PRKAG1: variants seen among roughly 807,000 people sequenced by gnomAD.
PRKAG1 encodes the protein 5'-AMP-activated protein kinase subunit gamma-1.
In PRKAG1, 27 loss-of-function variants were observed where a neutral mutation model predicts 48.2. The ratio of observed to expected loss-of-function variants is 0.56; its 90% confidence interval spans 0.41 to 0.77. The LOEUF is 0.77. PRKAG1 is among the 30% of genes least tolerant of loss of function. The pLI is 0.00. For missense variants in PRKAG1, 287 were observed against 398.3 expected (o/e 0.72, Z 2.38); for synonymous variants, 130 against 147.7 (o/e 0.88, Z 0.87).
chr12:49,009,270 G>A (rs1222612500), intron 2 of PRKAG1: 1 of 151,894 alleles, frequency 6.6e-6, no homozygotes, highest in African/African-American at 2.4e-5. Flanking sequence ...GACTACAAGT[G>A]TATGCCACTA....
chr12:49,003,075 ACT>A, intron 11 of PRKAG1, 67 bp downstream of exon 11: 2 of 1,612,718 alleles, frequency 1.2e-6, no homozygotes, highest in Non-Finnish European at 1.7e-6. Flanking sequence ...CTCTGCCCCT[ACT>A]CTCCTTGCCA....
chr12:49,009,354 C>G (rs1205035231), intron 2 of PRKAG1: 1 of 152,058 alleles, frequency 6.6e-6, no homozygotes, highest in African/African-American at 2.4e-5. Context: ...AACTCCTGGC[C>G]TCCCGCCTCA....
chr12:49,003,020 A>G lies in PRKAG1; in HGVS notation c.889-14T>C, dbSNP rs753824646. 1 of 1,613,816 alleles carries G rather than the reference A, an allele frequency of 6.2e-7. No individual in the cohort carries two copies. On this transcript the variant is annotated splice_polypyrimidine_tract_variant and intron_variant, in intron 11 of 11. Coordinates refer to ENST00000548065, the MANE Select transcript of PRKAG1 (RefSeq NM_002733.5). ...AAGTCGGTGAACCTGGCACAGAGCAACAAGGGAGAAAGGGAATGTTTAGTG... is the reference window on the plus strand; with the variant it reads ...AAGTCGGTGAACCTGGCACAGAGCAGCAAGGGAGAAAGGGAATGTTTAGTG...
intron 2 of PRKAG1, 83 bp downstream of exon 2, chr12:49,012,975 GGGGA>G: frequency 7.4e-7 from 1 of 1,356,172 alleles, no homozygotes; most frequent in East Asian, 2.3e-5. Flanking sequence ...GATTTTTCCA[GGGGA>G]GAGATTCAAA....
Position 49,005,110 on chromosome 12 carries a change from C to A in PRKAG1, c.355+10G>T. On this transcript the variant is annotated intron_variant, in intron 6 of 11. Coordinates refer to ENST00000548065, the MANE Select transcript of PRKAG1 (RefSeq NM_002733.5). This position sits in a 1 kb window ranked among gnomAD's most constrained non-coding sequence, Gnocchi z 4.1. ...CCTTTATCCTTTTATAACCCCAATT[C>A]TCTACATACCTCTCCAAGTTTCTAT... 6.2e-7 allele frequency: 1 copy of A among 1,613,918 alleles called. No individual in the cohort carries two copies. The highest frequency in any genetic ancestry group is 8.5e-7 in the Non-Finnish European group (1 of 1,179,892).
chr12:49,017,082 CCT>C (rs1459095983), intron 1 of PRKAG1: 3 of 451,334 alleles, frequency 6.6e-6, no homozygotes, highest in South Asian at 1.6e-5. Flanking sequence ...CTGTCACAGT[CCT>C]CTGTTTTCAT....
At position 49,003,300 on chromosome 12, in the gene PRKAG1, C is replaced by G. The variant is rs752669829; in HGVS notation, c.742-10G>C. On this transcript the variant is annotated splice_polypyrimidine_tract_variant and intron_variant, in intron 10 of 11. Transcript: ENST00000548065. ...TTTCTGCTGCCAGATTCTGGGGAGA[C>G]AGAGGAAGGAGCTTGCAGGGAAGCA... 6.2e-6 allele frequency: 10 copies of G among 1,613,924 alleles called. No homozygotes were observed. Among genetic ancestry groups the G allele is most frequent in the Non-Finnish European group, 8.5e-6 (10 of 1,180,004 alleles).
In PRKAG1 at chr12:49,005,529, A is replaced by G; in HGVS notation, c.183T>C (p.Phe61=). 1 of 1,614,230 alleles carries G rather than the reference A, an allele frequency of 6.2e-7. No individual in the cohort carries two copies. Among genetic ancestry groups the G allele is most frequent in the Non-Finnish European group, 8.5e-7 (1 of 1,180,034 alleles). ...GTACACCGTTAGTCACCAAAGCAAA[A>G]AAAGCTTTCTTCACCTGTAGCCAAG... ...FDTSLQVKKA[F]FALVTNGVRA... is the part of the protein sequence containing the mutation. Residue 61 remains phenylalanine (F), a synonymous_variant, in exon 4 of 12, where the codon TTT becomes TTC. Coordinates refer to ENST00000548065, the MANE Select transcript of PRKAG1 (RefSeq NM_002733.5). This position sits in a 1 kb window ranked among gnomAD's most constrained non-coding sequence, Gnocchi z 4.1.
chr12:49,004,813 CTGTGTGTGTGTGTGTGTGTGTGTGTGTG>C (rs3832821), intron 7 of PRKAG1, 123 bp downstream of exon 7: 11 of 714,342 alleles, frequency 1.5e-5, no homozygotes, highest in Non-Finnish European at 2.2e-5. Flanking sequence ...GAGAGAGAGA[CTGTGTGTGTGTGTGTGTGTGTGTGTGTG>C]TGTGTGTGTG....
At chr12:49,011,705 G>C (rs1297293601) in intron 2 of PRKAG1, among the ~76,000 whole-genome samples, 1 of 151,752 alleles carries the variant, frequency 6.6e-6, no homozygotes, top group Non-Finnish European at 1.5e-5. Context: ...TGGGATTATA[G>C]GCGCCCACCA....
At chr12:49,015,605 C>A (rs1357370820) in intron 1 of PRKAG1, among the ~76,000 whole-genome samples, 4 of 152,144 alleles carry the variant, frequency 2.6e-5, no homozygotes, top group South Asian at 2.1e-4. Flanking sequence ...CAGAGTCTCG[C>A]TGTGTCTCCC....
chr12:49,004,882 T>C lies in PRKAG1; in HGVS notation c.410+82A>G, dbSNP rs1044216731. 4 of 1,417,576 alleles carry C rather than the reference T, an allele frequency of 2.8e-6. No individual in the cohort carries two copies. In the African/African-American group the frequency reaches 5.7e-5, roughly 20 times the overall value. 87.8% of individuals were successfully genotyped at this position (1,417,576 alleles called of 1,614,324 possible). A position where few individuals can be genotyped will look rare whatever the true frequency, so the allele number is the denominator to read the frequency against. On this transcript the variant is annotated intron_variant, in intron 7 of 11. Transcript: ENST00000548065. Reference sequence around the variant, plus strand: ...GTGTGTCTTTTCTCTCTTCTTCCCCTTTCCCTGGGTGTCTAGGGCATTAGC... The same window carrying C: ...GTGTGTCTTTTCTCTCTTCTTCCCCCTTCCCTGGGTGTCTAGGGCATTAGC...
intron 2 of PRKAG1, among the ~76,000 whole-genome samples, chr12:49,012,079 A>G (rs1029163486): frequency 2.6e-5 from 4 of 152,142 alleles, no homozygotes; most frequent in Non-Finnish European, 4.4e-5. Flanking sequence ...CTGGTCTTCA[A>G]CTTCTGACCT....
At chr12:49,003,068 T>G in intron 11 of PRKAG1, 62 bp from the exon 12 acceptor site, 5 of 1,613,116 alleles carry the variant, frequency 3.1e-6, no homozygotes, top group Non-Finnish European at 4.2e-6. Flanking sequence ...GAAGCCCCTC[T>G]GCCCCTACTC....
chr12:49,005,939 C>A lies in PRKAG1; in HGVS notation c.59-87G>T. 1 of 958,708 alleles carries A rather than the reference C, an allele frequency of 1.0e-6. No individual in the cohort carries two copies. The highest frequency in any genetic ancestry group is 1.6e-6 in the Non-Finnish European group (1 of 633,532). 59.4% of individuals were successfully genotyped at this position (958,708 alleles called of 1,614,324 possible). A position where few individuals can be genotyped will look rare whatever the true frequency, so the allele number is the denominator to read the frequency against. On this transcript the variant is annotated intron_variant, in intron 2 of 11. Transcript: ENST00000548065. The surrounding 1 kb of genome is among the most constrained non-coding windows in gnomAD (Gnocchi z 4.1). ...AGAAAACAAAATAGTGTTCTAGTAT[C>A]TCAAATATTTAGAGCATTATTTTTT...
chr12:49,005,715 G>T lies in PRKAG1; in HGVS notation c.168+28C>A. On this transcript the variant is annotated intron_variant, in intron 3 of 11. Transcript: ENST00000548065. The surrounding 1 kb of genome is among the most constrained non-coding windows in gnomAD (Gnocchi z 4.1). Reference sequence around the variant, plus strand: ...AGGTATTAAACCACAGGCTCCAAAGGGGGAAGGGAAAAGAGGATTTCACCC... The same window carrying T: ...AGGTATTAAACCACAGGCTCCAAAGTGGGAAGGGAAAAGAGGATTTCACCC... 1 of 1,608,890 alleles carries T rather than the reference G, an allele frequency of 6.2e-7. No homozygotes were observed. Among genetic ancestry groups the T allele is most frequent in the Non-Finnish European group, 8.5e-7 (1 of 1,175,354 alleles).
At chr12:49,009,975 A>C (rs1941693343) in intron 2 of PRKAG1, among the ~76,000 whole-genome samples, 1 of 152,204 alleles carries the variant, frequency 6.6e-6, no homozygotes, top group African/African-American at 2.4e-5. Context: ...TTTATCTAAG[A>C]TTATATTAAT....
Position 49,018,311 on chromosome 12 carries a change from G to C in PRKAG1, c.9+421C>G, listed in dbSNP as rs182268023. On this transcript the variant is annotated intron_variant, in intron 1 of 11. Transcript: ENST00000548065. The stretch of plus-strand genomic sequence containing the variant: ...CCGGGGATTGCAGGGATCACAGAAA[G>C]ACCATCGAGGTCCAGGAGCTACCTG... 55 of 329,102 alleles carry C rather than the reference G, an allele frequency of 1.7e-4. No individual in the cohort carries two copies. The Admixed American group carries it at 3.0e-3, about 18-fold the overall frequency. The allele number at this position is 329,102 out of a possible 1,614,324, so 20.4% of individuals were successfully genotyped here.
chr12:49,002,484 A>C lies in PRKAG1; in HGVS notation c.*415T>G, dbSNP rs201654100. On this transcript the variant is annotated 3_prime_UTR_variant, in exon 12 of 12. Transcript: ENST00000548065. ...CTTGGCCTCCTCCATATAGCACGGA[A>C]CAGGTGAATAAAAATATCTTTATGA... The C allele has an allele frequency of 5.4e-5, 18 of 334,228 alleles. No homozygotes were observed. The highest frequency in any genetic ancestry group is 1.0e-4 in the Non-Finnish European group (17 of 169,798). The allele number at this position is 334,228 out of a possible 1,614,324, so 20.7% of individuals were successfully genotyped here. A position where few individuals can be genotyped will look rare whatever the true frequency, so the allele number is the denominator to read the frequency against.
Sources: allele counts gnomAD v4.1 joint callset (sites outside exome capture counted in the v4.1 genomes callset), GRCh38; gene constraint gnomAD v4.1.1; non-coding constraint Gnocchi (gnomAD v3.1); transcripts MANE v1.5; gene names NCBI Gene and HGNC (gene_info 2026-07-23, HGNC 2026-07-21).